DPYSL4: variants seen among roughly 807,000 people sequenced by gnomAD.
DPYSL4 encodes dihydropyrimidinase-related protein 4.
Under a neutral mutation model 63.4 loss-of-function variants are expected in DPYSL4, and 43 were observed. That is an observed-to-expected ratio of 0.68 (90% confidence interval 0.53 to 0.88). The LOEUF is 0.88. DPYSL4 is among the 40% of genes least tolerant of loss of function. The pLI, the probability that DPYSL4 is intolerant of heterozygous loss-of-function variation, is 0.00. For synonymous variants in DPYSL4, 353 were observed against 331.7 expected (o/e 1.06, Z -0.70); for missense variants, 733 against 819.5 (o/e 0.89, Z 1.29).
In DPYSL4 at chr10:132,204,824, G is replaced by A. The variant is rs1454473504; in HGVS notation, c.1628-15G>A. On this transcript the variant is annotated splice_polypyrimidine_tract_variant and intron_variant, in intron 13 of 13. Coordinates refer to ENST00000338492, the MANE Select transcript of DPYSL4 (RefSeq NM_006426.3). ...CTGCCTCATTCTCCCCTGCCCATCTGTGCCCTTTCTTCAGGGTCTCAGGCT... is the reference window on the plus strand; with the variant it reads ...CTGCCTCATTCTCCCCTGCCCATCTATGCCCTTTCTTCAGGGTCTCAGGCT... 2.1e-5 allele frequency: 34 copies of A among 1,600,254 alleles called. 1 individual carries two copies. The highest frequency in any genetic ancestry group is 1.3e-4 in the African/African-American group (10 of 74,522).
chr10:132,205,372 A>G lies in DPYSL4; in HGVS notation c.*442A>G, dbSNP rs1227251422. The G allele has an allele frequency of 6.4e-6, 1 of 157,222 alleles. No individual in the cohort carries two copies. The allele number at this position is 157,222 out of a possible 1,614,324, so 9.7% of individuals were successfully genotyped here. On this transcript the variant is annotated 3_prime_UTR_variant, in exon 14 of 14. Coordinates refer to ENST00000338492, the MANE Select transcript of DPYSL4 (RefSeq NM_006426.3). ...CAGTCACTGCCTCGCAGAGCCCTAC[A>G]CTCCCGCAGCCGCTCCTCAGAGGCC... is the stretch of plus-strand genomic sequence containing the variant.
rs528164531 is a variant in DPYSL4, at chr10:132,190,803, C to T, written c.96C>T (p.Tyr32=). Residue 32 remains tyrosine, a synonymous_variant, in exon 2 of 14, where the codon TAC becomes TAT. Coordinates refer to ENST00000338492, the MANE Select transcript of DPYSL4 (RefSeq NM_006426.3). ...TCGTGAATGACGACCAGTCCTTTTACGCTGATGTGCACGTGGAAGATGGCT... is the reference window on the plus strand; with the variant it reads ...TCGTGAATGACGACCAGTCCTTTTATGCTGATGTGCACGTGGAAGATGGCT... The part of the protein sequence containing the change: ...GRIVNDDQSF[Y]ADVHVEDGLI... 1.2e-5 allele frequency: 19 copies of T among 1,613,650 alleles called. No individual in the cohort carries two copies. The highest frequency in any genetic ancestry group is 1.7e-4 in the Middle Eastern group (1 of 6,058).
At chr10:132,190,153 C>T (rs2061854620) in intron 1 of DPYSL4, among the ~76,000 whole-genome samples, 1 of 152,270 alleles carries the variant, frequency 6.6e-6, no homozygotes, top group African/African-American at 2.4e-5. Context: ...CATTCGTCAC[C>T]GACTGTGATG....
At chr10:132,191,108 C>T (rs11597318) in intron 2 of DPYSL4, among the ~76,000 whole-genome samples, 11,941 of 56,536 alleles carry the variant, frequency 0.21, 1,026 homozygotes, top group East Asian at 0.6. Flanking sequence ...TACACGCTGG[C>T]CACGTGGTAT....
At position 132,204,972 on chromosome 10, in the gene DPYSL4, A is replaced by G; in HGVS notation, c.*42A>G. 1 of 1,533,570 alleles carries G rather than the reference A, an allele frequency of 6.5e-7. No homozygotes were observed. Among genetic ancestry groups the G allele is most frequent in the Non-Finnish European group, 8.8e-7 (1 of 1,133,848 alleles). The allele number at this position is 1,533,570 out of a possible 1,614,324, so 95.0% of individuals were successfully genotyped here. On this transcript the variant is annotated 3_prime_UTR_variant, in exon 14 of 14. Coordinates refer to ENST00000338492, the MANE Select transcript of DPYSL4 (RefSeq NM_006426.3). ...CTGTGAGCCGTGCTGGCCCCACCCG[A>G]GGCCGCGGGGGCCCCAGGGCACTCG... is the stretch of plus-strand genomic sequence containing the variant.
chr10:132,187,020 C>A lies in DPYSL4; in HGVS notation c.-44C>A. ...CCCCCCGCCCGCCCGCCCGCCCGCCCGCCCCCGCTTGTGCCGCCCCTACCA... is the reference window on the plus strand; with the variant it reads ...CCCCCCGCCCGCCCGCCCGCCCGCCAGCCCCCGCTTGTGCCGCCCCTACCA... On this transcript the variant is annotated 5_prime_UTR_variant, in exon 1 of 14. Coordinates refer to ENST00000338492, the MANE Select transcript of DPYSL4 (RefSeq NM_006426.3). 3.1e-6 allele frequency: 1 copy of A among 322,408 alleles called. No individual in the cohort carries two copies. The highest frequency in any genetic ancestry group is 5.2e-6 in the Non-Finnish European group (1 of 191,044). The allele number at this position is 322,408 out of a possible 1,614,324, so 20.0% of individuals were successfully genotyped here. A position where few individuals can be genotyped will look rare whatever the true frequency, so the allele number is the denominator to read the frequency against.
At chr10:132,191,130 A>C (rs1300792456) in intron 2 of DPYSL4, among the ~76,000 whole-genome samples, 1 of 98,884 alleles carries the variant, frequency 1.0e-5, no homozygotes, top group African/African-American at 3.3e-5. Flanking sequence ...CAGGCAGTTG[A>C]AAGTATGTTC....
Position 132,187,100 on chromosome 10 carries a change from A to G in DPYSL4, c.37A>G (p.Thr13Ala). Residue 13 changes from threonine to alanine, a missense_variant and splice_region_variant, in exon 1 of 14, where the codon ACG becomes GCG. Transcript: ENST00000338492. ...FQGKKSIPRI[T>A]SDRLLIRGGR... ...GGGCAAGAAAAGCATCCCCCGGATCACGGTGAGCCCGGTCCCGCTTCGCCC... is the reference window on the plus strand; with the variant it reads ...GGGCAAGAAAAGCATCCCCCGGATCGCGGTGAGCCCGGTCCCGCTTCGCCC... The G allele has an allele frequency of 6.9e-7, 1 of 1,453,896 alleles. No individual in the cohort carries two copies. Among genetic ancestry groups the G allele is most frequent in the Non-Finnish European group, 9.2e-7 (1 of 1,089,594 alleles). 90.1% of individuals were successfully genotyped at this position (1,453,896 alleles called of 1,614,324 possible). A position where few individuals can be genotyped will look rare whatever the true frequency, so the allele number is the denominator to read the frequency against.
At position 132,204,932 on chromosome 10, in the gene DPYSL4, C is replaced by T. The variant is rs146819349; in HGVS notation, c.*2C>T. 102 of 1,606,008 alleles carry T rather than the reference C, an allele frequency of 6.4e-5. No individual in the cohort carries two copies. The highest frequency in any genetic ancestry group is 3.6e-4 in the African/African-American group (27 of 74,902). On this transcript the variant is annotated 3_prime_UTR_variant, in exon 14 of 14. Transcript: ENST00000338492. ...TCCAACATCACCTCTCTCTCCTAGA[C>T]GCCCAGGACCGGCCCTGTGAGCCGT...
At position 132,190,782 on chromosome 10, in the gene DPYSL4, G is replaced by A; in HGVS notation, c.75G>A (p.Val25=). The A allele has an allele frequency of 1.2e-6, 2 of 1,613,766 alleles. No homozygotes were observed. The highest frequency in any genetic ancestry group is 1.7e-6 in the Non-Finnish European group (2 of 1,179,800). The change falls in exon 2 of 14, where the codon GTG becomes GTA. Residue 25 remains valine (V), a synonymous_variant. Coordinates refer to ENST00000338492, the MANE Select transcript of DPYSL4 (RefSeq NM_006426.3). ...DRLLIRGGRI[V]NDDQSFYADV... ...TTCTGATCAGAGGTGGGAGGATCGT[G>A]AATGACGACCAGTCCTTTTACGCTG...
intron 11 of DPYSL4, among the ~76,000 whole-genome samples, 159 bp from the exon 12 acceptor site, chr10:132,202,487 G>A (rs978286985): frequency 3.9e-5 from 6 of 152,364 alleles, no homozygotes; most frequent in East Asian, 3.9e-4. Flanking sequence ...CATTCCTCCC[G>A]AGTTCCAACC....
rs377655697 is a variant in DPYSL4 at position 132,187,126 on chromosome 10, G to A, written c.39+24G>A. 1.0e-4 allele frequency: 155 copies of A among 1,507,648 alleles called. No homozygotes were observed. In the African/African-American group the frequency reaches 1.7e-3, roughly 16 times the overall value. The allele number at this position is 1,507,648 out of a possible 1,614,324, so 93.4% of individuals were successfully genotyped here. A position where few individuals can be genotyped will look rare whatever the true frequency, so the allele number is the denominator to read the frequency against. ...CGGTGAGCCCGGTCCCGCTTCGCCC[G>A]GCGCCCCCTGCCCGCCGCCCGGAGT... On this transcript the variant is annotated intron_variant, in intron 1 of 13. Transcript: ENST00000338492.
chr10:132,188,615 A>G (rs1389717258), intron 1 of DPYSL4, among the ~76,000 whole-genome samples: 2 of 152,226 alleles, frequency 1.3e-5, no homozygotes, highest in African/African-American at 2.4e-5. Flanking sequence ...CTGTAGACCA[A>G]GGGTCTAAAA....
rs143960105 is a variant in DPYSL4, at chr10:132,190,809, T to C, written c.102T>C (p.Asp34=). 68 of 1,613,694 alleles carry C rather than the reference T, an allele frequency of 4.2e-5. No homozygotes were observed. In the African/African-American group the frequency reaches 8.5e-4, roughly 20 times the overall value. ...ATGACGACCAGTCCTTTTACGCTGA[T>C]GTGCACGTGGAAGATGGCTTGATAA... ...IVNDDQSFYA[D]VHVEDGLIKQ... The change falls in exon 2 of 14, where the codon GAT becomes GAC. Residue 34 remains aspartate (D), a synonymous_variant. Coordinates refer to ENST00000338492, the MANE Select transcript of DPYSL4 (RefSeq NM_006426.3).
Position 132,205,023 on chromosome 10 carries a change from T to A in DPYSL4, c.*93T>A. 1 of 1,078,826 alleles carries A rather than the reference T, an allele frequency of 9.3e-7. No homozygotes were observed. The highest frequency in any genetic ancestry group is 1.3e-6 in the Non-Finnish European group (1 of 766,468). The allele number at this position is 1,078,826 out of a possible 1,614,324, so 66.8% of individuals were successfully genotyped here. On this transcript the variant is annotated 3_prime_UTR_variant, in exon 14 of 14. Transcript: ENST00000338492. Reference sequence around the variant, plus strand: ...CCCCCCTCCTTAGCATTTTCTTTTGTAGAAGTTTCTCGAAGGTGCTTGGCG... The same window carrying A: ...CCCCCCTCCTTAGCATTTTCTTTTGAAGAAGTTTCTCGAAGGTGCTTGGCG...
chr10:132,195,763 A>C (rs545000113), intron 4 of DPYSL4, among the ~76,000 whole-genome samples: 1 of 152,320 alleles, frequency 6.6e-6, no homozygotes, highest in South Asian at 2.1e-4. Flanking sequence ...GAGCCCGTCA[A>C]TCCTCAGTCC....
At chr10:132,204,027 C>T (rs900395092) in intron 13 of DPYSL4, 100 bp downstream of exon 13, 484 of 1,424,048 alleles carry the variant, frequency 3.4e-4, no homozygotes, top group Non-Finnish European at 4.5e-4. Flanking sequence ...GGGCTGCACA[C>T]GGAAGGCACC....
At chr10:132,202,470 G>C (rs959642771) in intron 11 of DPYSL4, among the ~76,000 whole-genome samples, 176 bp from the exon 12 acceptor site, 2 of 152,158 alleles carry the variant, frequency 1.3e-5, no homozygotes, top group African/African-American at 2.4e-5. Context: ...CGTAGGCCGA[G>C]GGGGGGCATT....
In DPYSL4 at chr10:132,202,627, C is replaced by T; in HGVS notation, c.1282-19C>T. 6.2e-7 allele frequency: 1 copy of T among 1,610,590 alleles called. No homozygotes were observed. The highest frequency in any genetic ancestry group is 8.5e-7 in the Non-Finnish European group (1 of 1,179,490). On this transcript the variant is annotated intron_variant, in intron 11 of 13. Coordinates refer to ENST00000338492, the MANE Select transcript of DPYSL4 (RefSeq NM_006426.3). Reference sequence around the variant, plus strand: ...GGCCCCAGCGTGGAGGCACTGGACCCTCGGGCCTCTCTCCCCAGAACGTGG... The same window carrying T: ...GGCCCCAGCGTGGAGGCACTGGACCTTCGGGCCTCTCTCCCCAGAACGTGG...
Sources: gnomAD v4.1 joint callset for allele counts (sites outside exome capture counted in the v4.1 genomes callset) on GRCh38, gnomAD v4.1.1 for gene constraint, MANE v1.5 for transcripts, NCBI Gene and HGNC (gene_info 2026-07-23, HGNC 2026-07-21) for gene names.